Variants in MYO9A observed in about 807,000 individuals in gnomAD.
MYO9A encodes unconventional myosin-IXa.
A neutral mutation model predicts 293.3 loss-of-function variants in MYO9A; 103 were observed. That is an observed-to-expected ratio of 0.35 (90% CI 0.30 to 0.41). The LOEUF (loss-of-function observed/expected upper bound fraction) is 0.41. Among genes scored for constraint, MYO9A ranks in the 10% least tolerant of loss-of-function variants. The pLI is 1.00. For synonymous variants in MYO9A, 1,001 were observed against 1,035.7 expected (o/e 0.97, Z 0.64); for missense variants, 2,685 against 3,033.0 (o/e 0.89, Z 2.69).
At chr15:71,971,823 G>A (rs1037176191) in intron 12 of MYO9A, among the ~76,000 whole-genome samples, 4 of 151,076 alleles carry the variant, frequency 2.6e-5, no homozygotes, top group Non-Finnish European at 4.4e-5. Flanking sequence ...ATATATATAG[G>A]TTTTCATCCA....
At chr15:72,104,655 T>G (rs2080506102) in intron 1 of MYO9A, among the ~76,000 whole-genome samples, 1 of 152,198 alleles carries the variant, frequency 6.6e-6, no homozygotes, top group South Asian at 2.1e-4. Context: ...CTAAACCAAC[T>G]GTCATTCTAC....
Position 72,010,337 on chromosome 15 carries a change from C to T in MYO9A, c.1253+13G>A. 6.2e-7 allele frequency: 1 copy of T among 1,607,108 alleles called. No individual in the cohort carries two copies. Among genetic ancestry groups the T allele is most frequent in the African/African-American group, 1.3e-5 (1 of 74,884 alleles). On this transcript the variant is annotated intron_variant, in intron 7 of 41. Transcript: ENST00000356056. Reference sequence around the variant, plus strand: ...CTCTATTAGAGATATAAAAATACAACAAGTAAACTCACTGTCTTCGTGTCT... The same window carrying T: ...CTCTATTAGAGATATAAAAATACAATAAGTAAACTCACTGTCTTCGTGTCT...
intron 7 of MYO9A, 32 bp from the exon 8 acceptor site, chr15:72,007,984 T>C (rs368828955): frequency 6.3e-7 from 1 of 1,588,932 alleles, no homozygotes. Flanking sequence ...TATAGCTTAG[T>C]TGTGTCCATT....
At chr15:72,048,818 CTAAT>C (rs1317218394) in intron 1 of MYO9A, among the ~76,000 whole-genome samples, 1 of 152,200 alleles carries the variant, frequency 6.6e-6, no homozygotes, top group Non-Finnish European at 1.5e-5. Flanking sequence ...GAACTGACAT[CTAAT>C]TGACTCTTCT....
intron 34 of MYO9A, among the ~76,000 whole-genome samples, chr15:71,856,556 G>A (rs187772231): frequency 1.1e-3 from 168 of 152,192 alleles, no homozygotes; most frequent in Middle Eastern, 0.01. Context: ...ACAAAGGTAG[G>A]CAGAGCAAAG....
chr15:72,057,819 T>C (rs1252650302), intron 1 of MYO9A, among the ~76,000 whole-genome samples: 2 of 152,192 alleles, frequency 1.3e-5, no homozygotes, highest in East Asian at 1.9e-4. Context: ...CTGAATCCAG[T>C]TGTGCCTCAA....
intron 1 of MYO9A, among the ~76,000 whole-genome samples, chr15:72,071,742 G>A (rs1223040477): frequency 1.3e-5 from 2 of 149,660 alleles, no homozygotes; most frequent in Non-Finnish European, 3.0e-5. Context: ...GCGACACAGC[G>A]AGACTCCATC....
Position 71,906,764 on chromosome 15 carries a change from T to C in MYO9A, c.2686-1758A>G, listed in dbSNP as rs1252341917. On this transcript the variant is annotated intron_variant, in intron 19 of 41. Coordinates refer to ENST00000356056, the MANE Select transcript of MYO9A (RefSeq NM_006901.4). The stretch of plus-strand genomic sequence containing the variant: ...AGATAATATCCATTTCTTTCTTTTT[T>C]TTTTTTTTTTTTTTCCTGAGACAGT... Among the ~76,000 whole-genome samples, 33 of 114,682 alleles carry C rather than the reference T, an allele frequency of 2.9e-4. No individual in the cohort carries two copies. In the East Asian group the frequency reaches 6.5e-3, roughly 23 times the overall value. The allele number at this position is 114,682 out of a possible 152,430, so 75.2% of individuals were successfully genotyped here. A position where few individuals can be genotyped will look rare whatever the true frequency, so the allele number is the denominator to read the frequency against.
intron 7 of MYO9A, 23 bp from the exon 8 acceptor site, chr15:72,007,975 A>G: frequency 6.2e-7 from 1 of 1,604,814 alleles, no homozygotes; most frequent in East Asian, 2.2e-5. Flanking sequence ...AACACAAATT[A>G]TAGCTTAGTT....
chr15:71,979,680 A>T (rs888605080), intron 11 of MYO9A, among the ~76,000 whole-genome samples: 1 of 152,232 alleles, frequency 6.6e-6, no homozygotes, highest in African/African-American at 2.4e-5. Flanking sequence ...TACTTTGTCA[A>T]TGTAACAGCT....
At chr15:71,933,088 T>G (rs1287473) in intron 18 of MYO9A, among the ~76,000 whole-genome samples, 152,194 of 152,194 alleles carry the variant, frequency 1, 76,097 homozygotes, top group Non-Finnish European at 1. Flanking sequence ...ATTTATATAT[T>G]GTTTATATGG....
intron 29 of MYO9A, 54 bp downstream of exon 29, chr15:71,880,281 A>T: frequency 7.0e-7 from 1 of 1,434,392 alleles, no homozygotes; most frequent in South Asian, 1.2e-5. Flanking sequence ...TGATATACAC[A>T]AGTATTCCAT....
Position 71,991,188 on chromosome 15 carries a change from T to G in MYO9A, c.1637A>C (p.Asn546Thr). The change falls in exon 11 of 42, where the codon AAT (asparagine) becomes ACT (threonine). Residue 546 changes from asparagine to threonine, a missense_variant. Coordinates refer to ENST00000356056, the MANE Select transcript of MYO9A (RefSeq NM_006901.4). ...AATACAGAACTGTTCAAAGCTGTTA[T>G]TTTCATAATCTTCAAACCCAAAAAT... is the stretch of plus-strand genomic sequence containing the variant. Reference protein sequence around the residue: ...LDIFGFEDYENNSFEQFCINF... With the variant: ...LDIFGFEDYETNSFEQFCINF... The G allele has an allele frequency of 6.2e-7, 1 of 1,609,568 alleles. No individual in the cohort carries two copies. Among genetic ancestry groups the G allele is most frequent in the Non-Finnish European group, 8.5e-7 (1 of 1,177,954 alleles).
chr15:71,937,206 T>C (rs574819247), intron 16 of MYO9A, among the ~76,000 whole-genome samples: 1 of 152,028 alleles, frequency 6.6e-6, no homozygotes, highest in South Asian at 2.1e-4. Flanking sequence ...AGAAATTGAG[T>C]TGATAAAGCA....
chr15:71,870,775 C>T (rs2056485046), intron 32 of MYO9A, among the ~76,000 whole-genome samples: 1 of 152,196 alleles, frequency 6.6e-6, no homozygotes, highest in Admixed American at 6.5e-5. Flanking sequence ...TACATCACTT[C>T]ATTTGTGTGG....
intron 15 of MYO9A, among the ~76,000 whole-genome samples, chr15:71,942,156 A>G (rs1309289525): frequency 2.0e-5 from 3 of 152,098 alleles, no homozygotes; most frequent in East Asian, 1.9e-4. Context: ...ATATGGAAAA[A>G]TATGTATGAA....
At chr15:72,016,720 T>C (rs1483539197) in intron 6 of MYO9A, among the ~76,000 whole-genome samples, 1 of 152,144 alleles carries the variant, frequency 6.6e-6, no homozygotes, top group Non-Finnish European at 1.5e-5. Flanking sequence ...CAAACTATAA[T>C]AGATTTTAAG....
Position 71,883,595 on chromosome 15 carries a change from A to G in MYO9A, c.5397T>C (p.Asp1799=). The change falls in exon 28 of 42, where the codon GAT becomes GAC. Residue 1799 remains aspartate, a splice_region_variant and synonymous_variant. Transcript: ENST00000356056. ...GTTCCACCCTTTGGTCACTTTTACC[A>G]TCTGGAAACTGATGAGCTGGAATCA... ...TDVIPAHQFP[D]ELAAYHPTPP... The G allele has an allele frequency of 6.2e-7, 1 of 1,608,580 alleles. No homozygotes were observed. The highest frequency in any genetic ancestry group is 8.5e-7 in the Non-Finnish European group (1 of 1,178,596).
intron 18 of MYO9A, among the ~76,000 whole-genome samples, chr15:71,929,826 C>T (rs1457926241): frequency 6.6e-6 from 1 of 152,190 alleles, no homozygotes; most frequent in Non-Finnish European, 1.5e-5. Context: ...CATGGCACTG[C>T]TGGGTTGAAT....
Sources: gnomAD v4.1 joint callset for allele counts (sites outside exome capture counted in the v4.1 genomes callset) on GRCh38, gnomAD v4.1.1 for gene constraint, MANE v1.5 for transcripts, NCBI Gene and HGNC (gene_info 2026-07-23, HGNC 2026-07-21) for gene names.